Variants in C10orf90 observed in about 807,000 individuals in gnomAD.
The protein encoded by C10orf90 is chromosome 10 open reading frame 90.
C10orf90 carries 56 observed loss-of-function variants against 62.5 expected under a neutral mutation model. That is an observed-to-expected ratio of 0.90 (90% confidence interval 0.72 to 1.12). The LOEUF is 1.12. Among genes scored for constraint, C10orf90 ranks in the 50% most tolerant of loss-of-function variants. The pLI, the probability that C10orf90 is intolerant of heterozygous loss-of-function variation, is 0.00. For missense variants in C10orf90, 970 were observed against 880.4 expected, an observed-to-expected ratio of 1.10 and a Z score of -1.29; for synonymous variants, 386 against 340.4, an observed-to-expected ratio of 1.13 and a Z score of -1.47.
At chr10:126,611,093 C>T (rs901686220) in intron 2 of C10orf90, among the ~76,000 whole-genome samples, 3 of 152,144 alleles carry the variant, frequency 2.0e-5, no homozygotes, top group Non-Finnish European at 4.4e-5. Flanking sequence ...AGTTTTAGAA[C>T]ATTTTCATCA....
At chr10:126,634,117 T>A (rs1845903615) in intron 2 of C10orf90, among the ~76,000 whole-genome samples, 1 of 152,180 alleles carries the variant, frequency 6.6e-6, no homozygotes, top group African/African-American at 2.4e-5. Flanking sequence ...GATCCAGCAA[T>A]CCCACTTCTA....
intron 2 of C10orf90, among the ~76,000 whole-genome samples, chr10:126,549,660 T>C (rs1864582365): frequency 6.6e-6 from 1 of 151,732 alleles, no homozygotes. Context: ...GTTTCACTCA[T>C]GGACACTTCT....
chr10:126,605,805 C>A (rs958935034), intron 2 of C10orf90, among the ~76,000 whole-genome samples: 2 of 152,012 alleles, frequency 1.3e-5, no homozygotes, highest in Admixed American at 6.6e-5. Flanking sequence ...GAGGAACAAC[C>A]AGAGACCTGG....
At position 126,504,673 on chromosome 10, in the gene C10orf90, G is replaced by T. The variant is rs767474090; in HGVS notation, c.818C>A (p.Ala273Glu). 19 of 1,613,924 alleles carry T rather than the reference G, an allele frequency of 1.2e-5. No individual in the cohort carries two copies. Among genetic ancestry groups the T allele is most frequent in the East Asian group, 4.5e-5 (2 of 44,872 alleles). Reference sequence around the variant, plus strand: ...GGCGCCATTGGCCAGAGCCGGGGGCGCCTGGAACAGTGTGTCCTCAGCCCT... The same window carrying T: ...GGCGCCATTGGCCAGAGCCGGGGGCTCCTGGAACAGTGTGTCCTCAGCCCT... ...KCRAEDTLFQ[A>E]PPALANGAHP... The change falls in exon 4 of 10, where the codon GCG (alanine) becomes GAG (glutamate). Residue 273 changes from alanine (A) to glutamate (E), a missense_variant. Ala to Glu is a moderately radical substitution (Grantham distance 107). Coordinates refer to ENST00000488181, the MANE Select transcript of C10orf90 (RefSeq NM_001350921.2). The surrounding 1 kb of genome is among the most constrained non-coding windows in gnomAD (Gnocchi z 4.1).
intron 4 of C10orf90, among the ~76,000 whole-genome samples, chr10:126,493,392 G>A (rs1412127238): frequency 6.8e-6 from 1 of 147,624 alleles, no homozygotes; most frequent in African/African-American, 2.5e-5. Flanking sequence ...ACAGGGTCTC[G>A]CTCTGTCGCC....
Position 126,583,923 on chromosome 10 carries a change from C to T in C10orf90, c.313+62642G>A, listed in dbSNP as rs116447566. On this transcript the variant is annotated intron_variant, in intron 2 of 9. Coordinates refer to ENST00000488181, the MANE Select transcript of C10orf90 (RefSeq NM_001350921.2). ...TTGAGCCCAGGAGTCTGAGACTAGC[C>T]TTGGTGATGTAGAGAGACCTCATCT... 3.5e-3 allele frequency among the ~76,000 whole-genome samples: 528 copies of T among 152,182 alleles called. 5 individuals are homozygous for T. The highest frequency in any genetic ancestry group is 0.011 in the African/African-American group (466 of 41,508).
At chr10:126,443,594 G>C (rs1858543130) in intron 7 of C10orf90, among the ~76,000 whole-genome samples, 1 of 149,204 alleles carries the variant, frequency 6.7e-6, no homozygotes, top group Admixed American at 6.6e-5. Flanking sequence ...AATTCTACTA[G>C]CCATTCAAAG....
At chr10:126,514,083 A>T in intron 2 of C10orf90, 144 bp from the exon 3 acceptor site, 1 of 578,376 alleles carries the variant, frequency 1.7e-6, no homozygotes, top group Non-Finnish European at 3.0e-6. Flanking sequence ...CCATGACAAA[A>T]CCTTGTACAC....
In C10orf90 at chr10:126,504,307, G is replaced by C; in HGVS notation, c.1184C>G (p.Ser395Cys). 6.2e-7 allele frequency: 1 copy of C among 1,614,166 alleles called. No homozygotes were observed. Among genetic ancestry groups the C allele is most frequent in the Non-Finnish European group, 8.5e-7 (1 of 1,180,036 alleles). The change falls in exon 4 of 10, where the codon TCC becomes TGC. Residue 395 changes from serine (S) to cysteine (C), a missense_variant. Physicochemically the swap from Ser to Cys is moderately radical, Grantham distance 112. Coordinates refer to ENST00000488181, the MANE Select transcript of C10orf90 (RefSeq NM_001350921.2). The surrounding 1 kb of genome is among the most constrained non-coding windows in gnomAD (Gnocchi z 4.1). ...SVLSLNLNCS[S>C]HRLTADGVDG... ...TACTCCATCTGCTGTTAATCTGTGG[G>C]AACTACAATTGAGGTTGAGCGACAG... is the stretch of plus-strand genomic sequence containing the variant.
intron 2 of C10orf90, among the ~76,000 whole-genome samples, chr10:126,636,422 C>CA (rs1181405437): frequency 2.6e-5 from 4 of 151,304 alleles, no homozygotes; most frequent in African/African-American, 9.7e-5. Flanking sequence ...TAATTCGTTC[C>CA]AAAAAAAAGA....
intron 2 of C10orf90, among the ~76,000 whole-genome samples, chr10:126,622,310 C>A (rs1402633277): frequency 2.0e-5 from 3 of 152,124 alleles, no homozygotes; most frequent in Non-Finnish European, 2.9e-5. Context: ...AGAAAGGAGA[C>A]TCAGACCCAA....
At position 126,425,826 on chromosome 10, in the gene C10orf90, C is replaced by T; in HGVS notation, c.*38G>A. ...GGCTTATCCAGCATTCGAAGTCCTC[C>T]CAGGTCCAGGTAGTGTGGTCAGCAG... On this transcript the variant is annotated 3_prime_UTR_variant, in exon 10 of 10. Transcript: ENST00000488181. The T allele has an allele frequency of 1.2e-6, 2 of 1,600,518 alleles. No homozygotes were observed. Among genetic ancestry groups the T allele is most frequent in the Non-Finnish European group, 1.7e-6 (2 of 1,174,434 alleles).
chr10:126,429,026 G>A (rs1023536554), intron 8 of C10orf90, among the ~76,000 whole-genome samples: 7 of 152,026 alleles, frequency 4.6e-5, no homozygotes, highest in African/African-American at 1.4e-4. Flanking sequence ...CTATTTCAAT[G>A]GTTTCTTTAA....
chr10:126,464,679 C>G lies in C10orf90; in HGVS notation c.1825+17G>C. The G allele has an allele frequency of 6.3e-7, 1 of 1,587,518 alleles. No individual in the cohort carries two copies. The highest frequency in any genetic ancestry group is 8.6e-7 in the Non-Finnish European group (1 of 1,163,456). On this transcript the variant is annotated intron_variant, in intron 5 of 9. Transcript: ENST00000488181. ...TGTCAAGACCAAATGATGTCACCCA[C>G]CACCCTCGCTCCTTACCTTTGGGGA...
intron 3 of C10orf90, among the ~76,000 whole-genome samples, chr10:126,509,083 G>A (rs1204568535): frequency 1.3e-5 from 2 of 152,278 alleles, no homozygotes; most frequent in East Asian, 1.9e-4. Context: ...CCAGAGGACG[G>A]GATAAGGAAT....
rs1491013246 is a variant in C10orf90, at chr10:126,576,706, T to TACATATAC, written c.314-62768_314-62767insGTATATGT. On this transcript the variant is annotated intron_variant, in intron 2 of 9. Transcript: ENST00000488181. ...ATACATATACATGTATATGTATATG[T>TACATATAC]ATATATATACAAGATATACATATAT... Among the ~76,000 whole-genome samples, 12 of 37,392 alleles carry TACATATAC rather than the reference T, an allele frequency of 3.2e-4. 1 individual carries two copies. The highest frequency in any genetic ancestry group is 5.1e-4 in the Non-Finnish European group (9 of 17,542). 24.5% of individuals were successfully genotyped at this position (37,392 alleles called of 152,430 possible). A position where few individuals can be genotyped will look rare whatever the true frequency, so the allele number is the denominator to read the frequency against.
Position 126,528,815 on chromosome 10 carries a change from C to T in C10orf90, c.314-14876G>A, listed in dbSNP as rs184542245. ...GTGGAGTTCTCTGTGCACCAGACAA[C>T]AGCAGCCCCTTTGTATGTGTGAGCG... is the stretch of plus-strand genomic sequence containing the variant. On this transcript the variant is annotated intron_variant, in intron 2 of 9. Coordinates refer to ENST00000488181, the MANE Select transcript of C10orf90 (RefSeq NM_001350921.2). Among the ~76,000 whole-genome samples, 261 of 152,328 alleles carry T rather than the reference C, an allele frequency of 1.7e-3. 1 individual carries two copies. The highest frequency in any genetic ancestry group is 1.5e-3 in the Non-Finnish European group (99 of 68,028).
At chr10:126,629,542 A>G (rs904993689) in intron 2 of C10orf90, among the ~76,000 whole-genome samples, 5 of 152,264 alleles carry the variant, frequency 3.3e-5, no homozygotes, top group Non-Finnish European at 7.3e-5. Context: ...GCTGCCTGAC[A>G]GATGCAGACA....
chr10:126,438,512 T>G (rs905019315), intron 7 of C10orf90, among the ~76,000 whole-genome samples: 1 of 152,134 alleles, frequency 6.6e-6, no homozygotes, highest in African/African-American at 2.4e-5. Context: ...ACACTGAGCA[T>G]TACACACTTC....
Sources: allele counts gnomAD v4.1 joint callset (sites outside exome capture counted in the v4.1 genomes callset), GRCh38; gene constraint gnomAD v4.1.1; non-coding constraint Gnocchi (gnomAD v3.1); transcripts MANE v1.5; gene names NCBI Gene and HGNC (gene_info 2026-07-23, HGNC 2026-07-21).